The following USF3 variants were observed in gnomAD, a reference collection of about 807,000 sequenced individuals.
The protein encoded by USF3 is basic helix-loop-helix domain-containing protein USF3.
USF3 carries 29 observed loss-of-function variants against 157.5 expected under a neutral mutation model. The ratio of observed to expected loss-of-function variants is 0.18; its 90% CI spans 0.14 to 0.25. The LOEUF (loss-of-function observed/expected upper bound fraction) is 0.25. Ranked by LOEUF, USF3 falls within the 10% of genes least tolerant of loss-of-function variation. USF3 has a pLI of 1.00. For synonymous variants in USF3, 893 were observed against 941.4 expected (o/e 0.95, Z 0.94); for missense variants, 2,381 against 2,667.6 (o/e 0.89, Z 2.37).
rs940799540 is a variant in USF3, at chr3:113,654,867, T to G, written c.*77A>C. ...CACACACACACAATCCTTCTCTTCA[T>G]GTACATGTCTGTGCACATGCACGCA... On this transcript the variant is annotated 3_prime_UTR_variant, in exon 7 of 7. Transcript: ENST00000316407. 2.1e-6 allele frequency: 3 copies of G among 1,442,380 alleles called. No homozygotes were observed. Among genetic ancestry groups the G allele is most frequent in the Non-Finnish European group, 2.8e-6 (3 of 1,063,624 alleles). 89.3% of individuals were successfully genotyped at this position (1,442,380 alleles called of 1,614,324 possible).
rs148014663 is a variant in USF3, at chr3:113,675,585, T to A, written c.-18-689A>T. ...CATTAATATATTAATCATAGTTAAG[T>A]AAGGGTAGTGATATTTTGGTGATTT... On this transcript the variant is annotated intron_variant, in intron 2 of 6. Coordinates refer to ENST00000316407, the MANE Select transcript of USF3 (RefSeq NM_001009899.4). Among the ~76,000 whole-genome samples, 84 of 152,288 alleles carry A rather than the reference T, an allele frequency of 5.5e-4. 1 individual carries two copies. In the East Asian group the frequency reaches 0.016, roughly 29 times the overall value.
In USF3 at chr3:113,653,522, G is replaced by A. The variant is rs1354155130; in HGVS notation, c.*1422C>T. On this transcript the variant is annotated 3_prime_UTR_variant, in exon 7 of 7. Transcript: ENST00000316407. Reference sequence around the variant, plus strand: ...GGAGGCTGAGGCAGGAGAATCACTTGAACCCGGGAGGTGGAGCTTGCAGTG... The same window carrying A: ...GGAGGCTGAGGCAGGAGAATCACTTAAACCCGGGAGGTGGAGCTTGCAGTG... 6.7e-6 allele frequency: 1 copy of A among 149,582 alleles called. No homozygotes were observed. Among genetic ancestry groups the A allele is most frequent in the African/African-American group, 2.5e-5 (1 of 40,476 alleles). 9.3% of individuals were successfully genotyped at this position (149,582 alleles called of 1,614,324 possible).
chr3:113,661,177 T>C lies in USF3; in HGVS notation c.505A>G (p.Thr169Ala), dbSNP rs1334845810. The change falls in exon 7 of 7, where the codon ACT becomes GCT. Residue 169 changes from threonine (T) to alanine (A), a missense_variant. Transcript: ENST00000316407. The stretch of plus-strand genomic sequence containing the variant: ...TGTAAATTATGACTAACATTAAAAG[T>C]TATCCCCTGAACAGCTGTTCCCTGG... ...NSQGTAVQGI[T>A]FNVSHNLQKQ... The C allele has an allele frequency of 7.4e-6, 12 of 1,614,064 alleles. No homozygotes were observed. The highest frequency in any genetic ancestry group is 1.0e-5 in the Non-Finnish European group (12 of 1,180,036).
chr3:113,693,727 CATGT>C (rs1275057631), intron 1 of USF3, among the ~76,000 whole-genome samples: 1 of 152,184 alleles, frequency 6.6e-6, no homozygotes, highest in Non-Finnish European at 1.5e-5. Context: ...ATCTTTTAAC[CATGT>C]AGCATAGAAG....
rs142860651 is a variant in USF3, at chr3:113,656,819, T to A, written c.4863A>T (p.Val1621=). 14 of 1,614,238 alleles carry A rather than the reference T, an allele frequency of 8.7e-6. No homozygotes were observed. In the South Asian group the frequency reaches 1.5e-4, roughly 18 times the overall value. ...GCCTCTGCATTGGATTATGGCCAGA[T>A]ACATGTTCAGATGAAACCCCTGAAC... ...QQGSGVSSEH[V]SGHNPMQRLL... The change falls in exon 7 of 7, where the codon GTA becomes GTT. Residue 1621 remains valine, a synonymous_variant. Coordinates refer to ENST00000316407, the MANE Select transcript of USF3 (RefSeq NM_001009899.4).
In USF3 at chr3:113,652,991, T is replaced by G. The variant is rs1947291014; in HGVS notation, c.*1953A>C. On this transcript the variant is annotated 3_prime_UTR_variant, in exon 7 of 7. Coordinates refer to ENST00000316407, the MANE Select transcript of USF3 (RefSeq NM_001009899.4). ...GAAGAGGAACTTGAAAAAGGAATAT[T>G]CAAGGTGCTGTTCCTGGTGTTAGTT... 1 of 1,072,180 alleles carries G rather than the reference T, an allele frequency of 9.3e-7. No homozygotes were observed. Among genetic ancestry groups the G allele is most frequent in the African/African-American group, 1.7e-5 (1 of 60,228 alleles). The allele number at this position is 1,072,180 out of a possible 1,614,324, so 66.4% of individuals were successfully genotyped here. A position where few individuals can be genotyped will look rare whatever the true frequency, so the allele number is the denominator to read the frequency against.
At chr3:113,677,105 C>G (rs1333896907) in intron 2 of USF3, among the ~76,000 whole-genome samples, 177 bp downstream of exon 2, 1 of 152,124 alleles carries the variant, frequency 6.6e-6, no homozygotes, top group South Asian at 2.1e-4. Flanking sequence ...AGCAGCCTGT[C>G]GAGAAATGTG....
At position 113,659,992 on chromosome 3, in the gene USF3, G is replaced by A. The variant is rs1292738824; in HGVS notation, c.1690C>T (p.Pro564Ser). Residue 564 changes from proline to serine, a missense_variant, in exon 7 of 7, where the codon CCA becomes TCA. Coordinates refer to ENST00000316407, the MANE Select transcript of USF3 (RefSeq NM_001009899.4). ...GAAACTTCTGCCCTCATCACTGTTG[G>A]GCATGGGGTGGTGCTAGGTGGCTGA... ...ILQPPSTTPC[P>S]TVMRAEVSNQ... The A allele has an allele frequency of 1.9e-6, 3 of 1,614,192 alleles. No homozygotes were observed. The highest frequency in any genetic ancestry group is 1.7e-5 in the Admixed American group (1 of 60,010).
rs558100073 is a variant in USF3, at chr3:113,650,923, C to T, written c.*4021G>A. ...AGAAAAAAGGTGCCATCTCTGGTAC[C>T]GCAAAAGGTCTTACAATAAAAACAA... On this transcript the variant is annotated 3_prime_UTR_variant, in exon 7 of 7. Coordinates refer to ENST00000316407, the MANE Select transcript of USF3 (RefSeq NM_001009899.4). 6 of 152,024 alleles carry T rather than the reference C, an allele frequency of 3.9e-5. No homozygotes were observed. The highest frequency in any genetic ancestry group is 8.8e-5 in the Non-Finnish European group (6 of 67,988). The allele number at this position is 152,024 out of a possible 1,614,324, so 9.4% of individuals were successfully genotyped here.
intron 1 of USF3, among the ~76,000 whole-genome samples, chr3:113,693,357 T>G (rs887081671): frequency 6.6e-6 from 1 of 152,104 alleles, no homozygotes; most frequent in Non-Finnish European, 1.5e-5. Flanking sequence ...GGGGAAGGCA[T>G]ATAAACACAT....
At chr3:113,684,479 C>A (rs1044498781) in intron 1 of USF3, among the ~76,000 whole-genome samples, 3 of 152,076 alleles carry the variant, frequency 2.0e-5, no homozygotes, top group Non-Finnish European at 4.4e-5. Flanking sequence ...TCTTTAAGAC[C>A]AATAACTCTT....
rs745332813 is a variant in USF3 at position 113,661,096 on chromosome 3, C to T, written c.586G>A (p.Val196Ile). Reference protein sequence around the residue: ...VQRTCNLVTPVSISGVYPSEN... With the variant: ...VQRTCNLVTPISISGVYPSEN... Reference sequence around the variant, plus strand: ...GAAGGGTAAACTCCAGAAATAGATACAGGAGTCACAAGATTGCAAGTCCTC... The same window carrying T: ...GAAGGGTAAACTCCAGAAATAGATATAGGAGTCACAAGATTGCAAGTCCTC... The change falls in exon 7 of 7, where the codon GTA becomes ATA. Residue 196 changes from valine (V) to isoleucine (I), a missense_variant. This residue lies in a region of USF3 where 1,435 missense variants were observed against 1,550.9 expected (regional missense o/e 0.93). Coordinates refer to ENST00000316407, the MANE Select transcript of USF3 (RefSeq NM_001009899.4). 7 of 1,614,076 alleles carry T rather than the reference C, an allele frequency of 4.3e-6. No individual in the cohort carries two copies. In the East Asian group the frequency reaches 1.1e-4, roughly 26 times the overall value.
chr3:113,679,665 T>C (rs975441265), intron 1 of USF3, among the ~76,000 whole-genome samples: 3 of 152,102 alleles, frequency 2.0e-5, no homozygotes, highest in African/African-American at 4.8e-5. Flanking sequence ...CCACCCATCT[T>C]GGCCTCCCAA....
rs1947331080 is a variant in USF3 at position 113,655,164 on chromosome 3, G to T, written c.6518C>A (p.Pro2173Gln). The stretch of plus-strand genomic sequence containing the variant: ...GGTCATGTGCATTGGTGGCATATCT[G>T]GGAGAAGAGGAAAACTTGGTTGAGC... ...GFAQPSFPLL[P>Q]DMPPMHMTNS... The change falls in exon 7 of 7, where the codon CCA becomes CAA. Residue 2173 changes from proline (P) to glutamine (Q), a missense_variant. By Grantham distance (76) the Pro-to-Gln change is moderately conservative. This residue lies in a region of USF3 where 770 missense variants were observed against 824.2 expected (regional missense o/e 0.93). Transcript: ENST00000316407. The T allele has an allele frequency of 1.2e-6, 2 of 1,614,108 alleles. No individual in the cohort carries two copies. Among genetic ancestry groups the T allele is most frequent in the African/African-American group, 2.7e-5 (2 of 74,932 alleles).
chr3:113,664,881 G>C (rs1947539893), intron 5 of USF3, among the ~76,000 whole-genome samples: 3 of 152,240 alleles, frequency 2.0e-5, no homozygotes, highest in South Asian at 4.1e-4. Context: ...CCTATAAGAA[G>C]AGACAGAGAT....
intron 5 of USF3, among the ~76,000 whole-genome samples, chr3:113,669,224 G>A (rs1283164048): frequency 6.6e-6 from 1 of 151,774 alleles, no homozygotes; most frequent in Non-Finnish European, 1.5e-5. Flanking sequence ...AGAAGCCAGG[G>A]GAAAAGCATA....
chr3:113,658,907 T>C lies in USF3; in HGVS notation c.2775A>G (p.Pro925=), dbSNP rs770864079. The C allele has an allele frequency of 2.5e-6, 4 of 1,614,160 alleles. No individual in the cohort carries two copies. The highest frequency in any genetic ancestry group is 3.4e-6 in the Non-Finnish European group (4 of 1,180,016). Reference sequence around the variant, plus strand: ...CATCTGATAATGCTAAACTACTTGGTGGTTTATCCTGAGATGTCTCTTGTT... The same window carrying C: ...CATCTGATAATGCTAAACTACTTGGCGGTTTATCCTGAGATGTCTCTTGTT... ...NLQQETSQDK[P]PSSLALSDAA... Residue 925 remains proline (P), a synonymous_variant, in exon 7 of 7, where the codon CCA becomes CCG. Coordinates refer to ENST00000316407, the MANE Select transcript of USF3 (RefSeq NM_001009899.4).
At chr3:113,680,292 C>T (rs1707382726) in intron 1 of USF3, among the ~76,000 whole-genome samples, 1 of 151,766 alleles carries the variant, frequency 6.6e-6, no homozygotes, top group East Asian at 1.9e-4. Context: ...TATTGGTCTA[C>T]TTAGGTTTTG....
In USF3 at chr3:113,648,517, T is replaced by C. The variant is rs1439261818; in HGVS notation, c.*6427A>G. ...TTCCAAACTTTAAACAAGAGGATGG[T>C]TCAGAATATTCACACCCTAATACAA... is the stretch of plus-strand genomic sequence containing the variant. On this transcript the variant is annotated 3_prime_UTR_variant, in exon 7 of 7. Transcript: ENST00000316407. The C allele has an allele frequency of 6.6e-6, 1 of 152,590 alleles. No individual in the cohort carries two copies. The highest frequency in any genetic ancestry group is 2.4e-5 in the African/African-American group (1 of 41,440). 9.5% of individuals were successfully genotyped at this position (152,590 alleles called of 1,614,324 possible).
Sources: gnomAD v4.1 joint callset for allele counts (sites outside exome capture counted in the v4.1 genomes callset) on GRCh38, gnomAD v4.1.1 for gene constraint, gnomAD v4.1.1 regional missense constraint, MANE v1.5 for transcripts, NCBI Gene and HGNC (gene_info 2026-07-23, HGNC 2026-07-21) for gene names.